The following KIF13B variants were observed in gnomAD, a reference collection of about 807,000 sequenced individuals.
KIF13B encodes the protein kinesin-like protein KIF13B.
In KIF13B, 127 loss-of-function variants were observed where a neutral mutation model predicts 222.0. That is an observed-to-expected ratio of 0.57 (90% CI 0.50 to 0.66). The LOEUF is 0.66. KIF13B is among the 30% of genes least tolerant of loss of function. The pLI is 0.00. For synonymous variants in KIF13B, 976 were observed against 919.0 expected, an observed-to-expected ratio of 1.06 and a Z score of -1.12; for missense variants, 2,173 against 2,379.0, an observed-to-expected ratio of 0.91 and a Z score of 1.80.
Position 29,188,557 on chromosome 8 carries a change from AAGCATTCTGC to A in KIF13B, c.264_273del (p.Gln89LeufsTer22). The A allele has an allele frequency of 6.2e-7, 1 of 1,612,618 alleles. No individual in the cohort carries two copies. Among genetic ancestry groups the A allele is most frequent in the Non-Finnish European group, 8.5e-7 (1 of 1,178,866 alleles). The stretch of plus-strand genomic sequence containing the variant: ...AAGATACATGCATTGTAGCCATCAA[AAGCATTCTGC>A]AGGATATTCTCTCCAAGGCACTTGA... On this transcript the variant is annotated frameshift_variant, in exon 5 of 40. Transcript: ENST00000524189. LOFTEE classifies it high-confidence loss of function.
intron 13 of KIF13B, among the ~76,000 whole-genome samples, chr8:29,157,656 G>T (rs1811595853): frequency 6.6e-6 from 1 of 151,922 alleles, no homozygotes; most frequent in African/African-American, 2.4e-5. Context: ...AGTGAGCTGA[G>T]ATCGTGCCAC....
chr8:29,117,893 C>T (rs1020267717), intron 30 of KIF13B, among the ~76,000 whole-genome samples: 5 of 152,212 alleles, frequency 3.3e-5, no homozygotes, highest in African/African-American at 9.7e-5. Flanking sequence ...CGCGGTGGCT[C>T]ATGTCTGTCA....
intron 37 of KIF13B, among the ~76,000 whole-genome samples, chr8:29,081,900 A>AT (rs950903108): frequency 3.9e-5 from 6 of 152,212 alleles, no homozygotes; most frequent in Non-Finnish European, 7.3e-5. Context: ...CTTCCTGGAT[A>AT]TTTCTAAGTT....
At chr8:29,229,310 A>G (rs921467783) in intron 2 of KIF13B, among the ~76,000 whole-genome samples, 1 of 152,142 alleles carries the variant, frequency 6.6e-6, no homozygotes, top group Non-Finnish European at 1.5e-5. Context: ...CTAGTTTTGG[A>G]GAGACGAGCT....
At chr8:29,148,174 T>C (rs938323098) in intron 16 of KIF13B, among the ~76,000 whole-genome samples, 1 of 152,146 alleles carries the variant, frequency 6.6e-6, no homozygotes. Context: ...CACTGCACCC[T>C]AGCCTGGGCG....
At chr8:29,262,607 G>A (rs1816721054) in intron 1 of KIF13B, among the ~76,000 whole-genome samples, 1 of 151,798 alleles carries the variant, frequency 6.6e-6, no homozygotes, top group Non-Finnish European at 1.5e-5. Flanking sequence ...ATGACAGCTG[G>A]CGGGGAAGGA....
chr8:29,165,624 A>G lies in KIF13B; in HGVS notation c.1269+38T>C, dbSNP rs769608686. 6 of 1,349,950 alleles carry G rather than the reference A, an allele frequency of 4.4e-6. No homozygotes were observed. In the South Asian group the frequency reaches 4.7e-5, roughly 11 times the overall value. The allele number at this position is 1,349,950 out of a possible 1,614,324, so 83.6% of individuals were successfully genotyped here. On this transcript the variant is annotated intron_variant, in intron 12 of 39. Transcript: ENST00000524189. ...CATGTGTCCCATTGTGCAAACTGCC[A>G]TGAGGTTTCATGCGCTTCATCATCA...
intron 2 of KIF13B, among the ~76,000 whole-genome samples, chr8:29,241,256 G>A (rs182896748): frequency 2.6e-4 from 39 of 152,300 alleles, no homozygotes; most frequent in Admixed American, 9.8e-4. Flanking sequence ...CACATCTACA[G>A]AGACAGAAAG....
At chr8:29,204,462 A>G (rs1226280749) in intron 2 of KIF13B, among the ~76,000 whole-genome samples, 1 of 152,232 alleles carries the variant, frequency 6.6e-6, no homozygotes, top group Non-Finnish European at 1.5e-5. Flanking sequence ...CCTGCAGTCC[A>G]GCTATTCAGG....
At chr8:29,135,713 G>A (rs544369782) in intron 21 of KIF13B, among the ~76,000 whole-genome samples, 22 of 152,202 alleles carry the variant, frequency 1.4e-4, no homozygotes, top group African/African-American at 4.8e-4. Flanking sequence ...TGGCCGACAT[G>A]GTGAAACCCC....
chr8:29,260,997 A>T (rs754995718), intron 1 of KIF13B, among the ~76,000 whole-genome samples: 1 of 152,220 alleles, frequency 6.6e-6, no homozygotes, highest in Non-Finnish European at 1.5e-5. Flanking sequence ...ACTGTATTCC[A>T]TAATAACCTT....
Position 29,147,456 on chromosome 8 carries a change from T to C in KIF13B, c.1960A>G (p.Met654Val). Residue 654 changes from methionine to valine, a missense_variant, in exon 17 of 40, where the codon ATG (methionine) becomes GTG (valine). Physicochemically the swap from Met to Val is conservative, Grantham distance 21 (BLOSUM62 1). Coordinates refer to ENST00000524189, the MANE Select transcript of KIF13B (RefSeq NM_015254.4). ...LSPEKQNCRS[M>V]DRFSFHSPSA... The stretch of plus-strand genomic sequence containing the variant: ...GGCGAGTGGAAAGAAAACCTGTCCA[T>C]GCTCCGGCAGTTCTGCTTCTCAGGA... The C allele has an allele frequency of 3.1e-6, 5 of 1,612,762 alleles. No homozygotes were observed. The highest frequency in any genetic ancestry group is 4.2e-6 in the Non-Finnish European group (5 of 1,179,402).
intron 16 of KIF13B, 68 bp from the exon 17 acceptor site, chr8:29,147,670 A>C: frequency 1.7e-6 from 2 of 1,180,862 alleles, no homozygotes; most frequent in Non-Finnish European, 2.5e-6. Flanking sequence ...ATGTTGTTCT[A>C]TATGGTAATG....
intron 2 of KIF13B, among the ~76,000 whole-genome samples, chr8:29,220,620 G>A (rs1814699422): frequency 6.6e-6 from 1 of 151,938 alleles, no homozygotes; most frequent in Admixed American, 6.6e-5. Context: ...TAAGCCCACA[G>A]AGAAGGACGA....
intron 38 of KIF13B, among the ~76,000 whole-genome samples, chr8:29,074,580 C>CT (rs1236745853): frequency 6.6e-6 from 1 of 152,232 alleles, no homozygotes; most frequent in East Asian, 1.9e-4. Flanking sequence ...ATCCTGCTGA[C>CT]CAGGGACACT....
intron 25 of KIF13B, among the ~76,000 whole-genome samples, 180 bp from the exon 26 acceptor site, chr8:29,126,691 C>T (rs188502728): frequency 3.9e-5 from 6 of 152,278 alleles, no homozygotes; most frequent in Admixed American, 2.0e-4. Flanking sequence ...AAGTTGGAGC[C>T]GCTCACAGAA....
At chr8:29,118,818 G>A (rs536567981) in intron 30 of KIF13B, 50 bp downstream of exon 30, 4 of 1,603,916 alleles carry the variant, frequency 2.5e-6, no homozygotes, top group East Asian at 4.5e-5. Flanking sequence ...TCGAGGAGAG[G>A]TTAAGGAAAC....
At chr8:29,206,678 A>G (rs1813957892) in intron 2 of KIF13B, among the ~76,000 whole-genome samples, 1 of 152,222 alleles carries the variant, frequency 6.6e-6, no homozygotes, top group African/African-American at 2.4e-5. Flanking sequence ...CGTGCCAAGC[A>G]CTAATCTAAG....
chr8:29,113,480 C>T lies in KIF13B; in HGVS notation c.3913G>A (p.Val1305Ile). The T allele has an allele frequency of 6.3e-7, 1 of 1,580,074 alleles. No homozygotes were observed. Among genetic ancestry groups the T allele is most frequent in the East Asian group, 2.3e-5 (1 of 44,000 alleles). ...TCCTTCACCTCTGGAATATTGGAGA[C>T]AATTTCAAAAGTCACTCCACAGCCA... ...IPGCGVTFEI[V>I]SNIPEDAQGV... The change falls in exon 32 of 40, where the codon GTC (valine) becomes ATC (isoleucine). Residue 1305 changes from valine to isoleucine, a missense_variant. Val to Ile is a conservative substitution (Grantham distance 29). Around this residue, in one of 2 missense-constraint regions of KIF13B, gnomAD observed 1,480 missense variants for 1,722.8 expected, o/e 0.86. Transcript: ENST00000524189.
Sources: gnomAD v4.1 joint callset for allele counts (sites outside exome capture counted in the v4.1 genomes callset) on GRCh38, gnomAD v4.1.1 for gene constraint, gnomAD v4.1.1 regional missense constraint, MANE v1.5 for transcripts, NCBI Gene and HGNC (gene_info 2026-07-23, HGNC 2026-07-21) for gene names.